Variants in CFAP54 observed in about 807,000 individuals in gnomAD.
The protein encoded by CFAP54 is cilia- and flagella-associated protein 54.
In CFAP54, 290 loss-of-function variants were observed where a neutral mutation model predicts 370.4. The observed-to-expected ratio is 0.78, with a 90% confidence interval of 0.71 to 0.86. The LOEUF (loss-of-function observed/expected upper bound fraction) is 0.86, where lower values mean the gene tolerates loss of function less well. CFAP54 is among the 40% of genes least tolerant of loss of function. The probability of loss-of-function intolerance (pLI) is 0.00; values close to 1 mark genes in which losing one functional copy is unlikely to be tolerated. For synonymous variants in CFAP54, 1,206 were observed against 1,236.5 expected (o/e 0.98, Z 0.52); for missense variants, 3,399 against 3,528.7 (o/e 0.96, Z 0.93).
chr12:96,739,206 G>A (rs958743375), intron 50 of CFAP54, among the ~76,000 whole-genome samples: 1 of 151,994 alleles, frequency 6.6e-6, no homozygotes, highest in African/African-American at 2.4e-5. Flanking sequence ...ACATCTTCAG[G>A]CATACAGGTT....
At chr12:96,497,027 C>A (rs891751942) in intron 1 of CFAP54, among the ~76,000 whole-genome samples, 1 of 152,212 alleles carries the variant, frequency 6.6e-6, no homozygotes, top group African/African-American at 2.4e-5. Flanking sequence ...ATAATGTTTT[C>A]TTCCCAATCC....
intron 9 of CFAP54, among the ~76,000 whole-genome samples, 168 bp from the exon 10 acceptor site, chr12:96,533,624 G>A (rs1295755101): frequency 6.6e-6 from 1 of 152,018 alleles, no homozygotes; most frequent in Non-Finnish European, 1.5e-5. Context: ...TGTCCCTAAA[G>A]CACCACCCTG....
At chr12:96,515,913 T>G (rs1188931382) in intron 5 of CFAP54, among the ~76,000 whole-genome samples, 5 of 28,878 alleles carry the variant, frequency 1.7e-4, no homozygotes, top group East Asian at 2.7e-3. Flanking sequence ...TACCTCTATG[T>G]TTTTTTTTTT....
At chr12:96,518,578 T>G (rs1293506556) in intron 5 of CFAP54, among the ~76,000 whole-genome samples, 1 of 151,954 alleles carries the variant, frequency 6.6e-6, no homozygotes, top group African/African-American at 2.4e-5. Context: ...TCCAGTTACT[T>G]AGGAGGCTGA....
At chr12:96,519,178 A>G in intron 6 of CFAP54, 107 bp downstream of exon 6, 1 of 1,089,500 alleles carries the variant, frequency 9.2e-7, no homozygotes. Context: ...GGCTCACTGC[A>G]ACGTCCACCT....
chr12:96,840,615 T>G (rs978740459), intron 66 of CFAP54, among the ~76,000 whole-genome samples: 1 of 101,374 alleles, frequency 9.9e-6, no homozygotes, highest in Non-Finnish European at 2.0e-5. Context: ...CTTTCTTTTC[T>G]CTGTTTCTTT....
intron 63 of CFAP54, among the ~76,000 whole-genome samples, chr12:96,807,826 G>A (rs181153381): frequency 1.3e-3 from 205 of 152,282 alleles, no homozygotes; most frequent in African/African-American, 4.7e-3. Context: ...GTGATCATGA[G>A]CTAAAATAAT....
intron 5 of CFAP54, 124 bp downstream of exon 5, chr12:96,513,168 T>G: frequency 3.2e-6 from 1 of 316,202 alleles, no homozygotes; most frequent in Non-Finnish European, 5.4e-6. Context: ...AATATAAAAT[T>G]TAGTAAATAT....
intron 1 of CFAP54, among the ~76,000 whole-genome samples, chr12:96,497,538 T>C (rs1210406981): frequency 6.6e-6 from 1 of 152,206 alleles, no homozygotes; most frequent in Admixed American, 6.5e-5. Flanking sequence ...AATGGCATTT[T>C]AAAATCAACT....
chr12:96,861,069 T>A, intron 67 of CFAP54, 117 bp downstream of exon 67: 3 of 690,914 alleles, frequency 4.3e-6, no homozygotes, highest in Non-Finnish European at 6.5e-6. Context: ...TAAATTTCTT[T>A]AAAATTATTA....
chr12:96,841,899 A>C (rs1758087916), intron 66 of CFAP54, among the ~76,000 whole-genome samples: 1 of 152,248 alleles, frequency 6.6e-6, no homozygotes, highest in African/African-American at 2.4e-5. Flanking sequence ...TTATCTATAA[A>C]TTGGTGAAAG....
chr12:96,592,833 C>T (rs1461318417), intron 24 of CFAP54, among the ~76,000 whole-genome samples, 196 bp downstream of exon 24: 2 of 152,008 alleles, frequency 1.3e-5, no homozygotes, highest in Non-Finnish European at 1.5e-5. Flanking sequence ...CTCTTCTTTT[C>T]AATTTATCTC....
intron 19 of CFAP54, among the ~76,000 whole-genome samples, chr12:96,565,398 T>TA (rs869133035): frequency 2.6e-5 from 4 of 152,100 alleles, no homozygotes; most frequent in Admixed American, 1.3e-4. Context: ...GCCAGAATAT[T>TA]AAAAAAAATT....
chr12:96,681,019 G>A (rs2136549453), intron 40 of CFAP54, among the ~76,000 whole-genome samples: 1 of 152,036 alleles, frequency 6.6e-6, no homozygotes, highest in East Asian at 1.9e-4. Flanking sequence ...CGGGGCAGAG[G>A]TTGCAGTGAG....
rs927742953 is a variant in CFAP54, at chr12:96,797,651, T to G, written c.8850+5152T>G. Among the ~76,000 whole-genome samples, 3 of 152,092 alleles carry G rather than the reference T, an allele frequency of 2.0e-5. No homozygotes were observed. The East Asian group carries it at 5.8e-4, about 29-fold the overall frequency. On this transcript the variant is annotated intron_variant, in intron 63 of 67. Transcript: ENST00000524981. ...ATAATGTTCACTTTCCCATAAAGCC[T>G]GCTTTATCTGATGCTAACATAGGAA...
At chr12:96,852,606 C>A (rs1288244955) in intron 66 of CFAP54, among the ~76,000 whole-genome samples, 15 of 151,978 alleles carry the variant, frequency 9.9e-5, no homozygotes, top group Non-Finnish European at 1.3e-4. Context: ...TTGGTGTTAG[C>A]AAAGCTTTCA....
intron 13 of CFAP54, among the ~76,000 whole-genome samples, chr12:96,539,088 T>TTTTTTTTTTTTTTTTTG: frequency 6.8e-6 from 1 of 147,864 alleles, no homozygotes; most frequent in South Asian, 2.2e-4. Context: ...GTTTTTGTTT[T>TTTTTTTTTTTTTTTTTG]TGAGATGGAG....
chr12:96,621,875 G>GTTTTTTTTTTTTT lies in CFAP54; in HGVS notation c.3771+174_3771+186dup, dbSNP rs71068819. On this transcript the variant is annotated intron_variant, in intron 27 of 67. Coordinates refer to ENST00000524981, the MANE Select transcript of CFAP54 (RefSeq NM_001306084.2). ...ATTATAGTAAAGAGCTTTTGGGTTTGTTTTTTTTTTTTTTTTTTTTTTTTT... is the reference window on the plus strand; with the variant it reads ...ATTATAGTAAAGAGCTTTTGGGTTTGTTTTTTTTTTTTTTTTTTTTTTTTTTTTTTTTTTTTTT... 3.9e-3 allele frequency among the ~76,000 whole-genome samples: 194 copies of GTTTTTTTTTTTTT among 50,030 alleles called. 35 individuals are homozygous for GTTTTTTTTTTTTT. The highest frequency in any genetic ancestry group is 0.017 in the East Asian group (20 of 1,186). The allele number at this position is 50,030 out of a possible 152,430, so 32.8% of individuals were successfully genotyped here.
chr12:96,841,815 A>C (rs1331463327), intron 66 of CFAP54, among the ~76,000 whole-genome samples: 6 of 152,246 alleles, frequency 3.9e-5, no homozygotes, highest in Non-Finnish European at 8.8e-5. Flanking sequence ...TGACAAAAAC[A>C]TAGTTTGATT....
Sources: gnomAD v4.1 joint callset for allele counts (sites outside exome capture counted in the v4.1 genomes callset) on GRCh38, gnomAD v4.1.1 for gene constraint, MANE v1.5 for transcripts, NCBI Gene and HGNC (gene_info 2026-07-23, HGNC 2026-07-21) for gene names.